The following DAB1 variants were observed in gnomAD, a reference collection of about 807,000 sequenced individuals.
The protein encoded by DAB1 is disabled homolog 1.
DAB1 carries 15 observed loss-of-function variants against 64.6 expected under a neutral mutation model. The observed-to-expected ratio is 0.23, with a 90% CI of 0.16 to 0.36. DAB1 has a LOEUF of 0.36. DAB1 is among the 10% of genes least tolerant of loss of function. The probability of loss-of-function intolerance (pLI) is 1.00; values close to 1 mark genes in which losing one functional copy is unlikely to be tolerated. For synonymous variants in DAB1, 235 were observed against 251.9 expected (o/e 0.93, Z 0.64); for missense variants, 596 against 706.7 (o/e 0.84, Z 1.78).
chr1:57,509,591 A>G (rs1469323942), intron 7 of DAB1, among the ~76,000 whole-genome samples: 1 of 152,008 alleles, frequency 6.6e-6, no homozygotes, highest in Non-Finnish European at 1.5e-5. Flanking sequence ...CTCACACTCA[A>G]TGGAAAATAG....
At chr1:57,789,813 A>G (rs1222130394) in intron 6 of DAB1, among the ~76,000 whole-genome samples, 3 of 152,230 alleles carry the variant, frequency 2.0e-5, no homozygotes, top group Non-Finnish European at 4.4e-5. Flanking sequence ...CAGAAGTCAC[A>G]GAAGTCAGGT....
intron 3 of DAB1, among the ~76,000 whole-genome samples, chr1:58,382,377 CCA>C (rs1001584108): frequency 5.3e-5 from 8 of 152,190 alleles, no homozygotes; most frequent in Admixed American, 1.3e-4. Flanking sequence ...GTTCCAAACT[CCA>C]CCTGACTGTC....
At chr1:57,687,595 G>GAAAAAAAA (rs1646713667) in intron 6 of DAB1, among the ~76,000 whole-genome samples, 1 of 16,416 alleles carries the variant, frequency 6.1e-5, no homozygotes, top group African/African-American at 3.7e-4. Context: ...GTAATCTTAA[G>GAAAAAAAA]AAACAAAAAA....
chr1:58,049,734 T>A (rs1215436768), intron 5 of DAB1, among the ~76,000 whole-genome samples: 1 of 152,154 alleles, frequency 6.6e-6, no homozygotes, highest in African/African-American at 2.4e-5. Flanking sequence ...ATACCTCACA[T>A]TGCAGGATAG....
rs947665482 is a variant in DAB1, at chr1:58,158,209, A to C, written n.310-7621T>G. 3.9e-5 allele frequency among the ~76,000 whole-genome samples: 6 copies of C among 152,276 alleles called. No homozygotes were observed. In the East Asian group the frequency reaches 1.2e-3, roughly 29 times the overall value. On this transcript the variant is annotated intron_variant and non_coding_transcript_variant, in intron 4 of 20. Transcript: ENST00000485760. ...TGAGCCACAGACCCAAACAGAGCTCAGATTATCTATTTAATTCTCCAGCCT... is the reference window on the plus strand; with the variant it reads ...TGAGCCACAGACCCAAACAGAGCTCCGATTATCTATTTAATTCTCCAGCCT...
At chr1:57,719,307 A>C (rs1647123102) in intron 6 of DAB1, among the ~76,000 whole-genome samples, 1 of 152,186 alleles carries the variant, frequency 6.6e-6, no homozygotes, top group Admixed American at 6.5e-5. Context: ...ACGGCTGCTA[A>C]TTTTCTGGTT....
intron 5 of DAB1, among the ~76,000 whole-genome samples, chr1:57,960,445 T>A (rs1645490605): frequency 6.6e-6 from 1 of 150,432 alleles, no homozygotes; most frequent in Admixed American, 6.6e-5. Flanking sequence ...ATTTCCTTTA[T>A]CTCTTTTTAA....
chr1:57,288,345 T>C (rs1672498839), intron 2 of DAB1, among the ~76,000 whole-genome samples: 1 of 152,052 alleles, frequency 6.6e-6, no homozygotes, highest in Admixed American at 6.6e-5. Context: ...GAAGGAGATG[T>C]GGTGTGTTAT....
At chr1:57,754,937 T>C (rs1440308402) in intron 6 of DAB1, among the ~76,000 whole-genome samples, 1 of 152,094 alleles carries the variant, frequency 6.6e-6, no homozygotes, top group Non-Finnish European at 1.5e-5. Context: ...AATCCCTTAG[T>C]ACAGAGTGAC....
At chr1:57,366,446 T>C (rs1680002384) in intron 1 of DAB1, among the ~76,000 whole-genome samples, 1 of 152,212 alleles carries the variant, frequency 6.6e-6, no homozygotes, top group Non-Finnish European at 1.5e-5. Flanking sequence ...GAGCAAACCA[T>C]GCAGTGCTTC....
intron 4 of DAB1, among the ~76,000 whole-genome samples, chr1:58,208,763 G>A (rs879646452): frequency 7.9e-5 from 12 of 152,188 alleles, no homozygotes; most frequent in East Asian, 1.9e-4. Flanking sequence ...ATGTGCAGGC[G>A]TCTTTCTCAT....
At chr1:57,566,813 C>T (rs1358168820) in intron 7 of DAB1, among the ~76,000 whole-genome samples, 1 of 152,166 alleles carries the variant, frequency 6.6e-6, no homozygotes, top group Non-Finnish European at 1.5e-5. Context: ...AAGTCCAGGA[C>T]CAGACGAATT....
rs562951182 is a variant in DAB1 at position 57,987,716 on chromosome 1, T to C, written n.388-103554A>G. Among the ~76,000 whole-genome samples the C allele has an allele frequency of 2.6e-5, 4 of 152,316 alleles. No individual in the cohort carries two copies. In the South Asian group the frequency reaches 6.2e-4, roughly 24 times the overall value. ...GTGAGGCTGCACTAATTACCATTTA[T>C]ATAAGATGCCTGCCTGCCTCTGCTG... On this transcript the variant is annotated intron_variant and non_coding_transcript_variant, in intron 5 of 20. Transcript: ENST00000485760.
At chr1:58,357,305 TG>T (rs1291800101) in intron 3 of DAB1, among the ~76,000 whole-genome samples, 1 of 152,098 alleles carries the variant, frequency 6.6e-6, no homozygotes, top group East Asian at 1.9e-4. Flanking sequence ...CCAAACTGGC[TG>T]ATAAATTGAG....
At chr1:57,767,642 G>A (rs956802051) in intron 6 of DAB1, among the ~76,000 whole-genome samples, 2 of 151,998 alleles carry the variant, frequency 1.3e-5, no homozygotes, top group African/African-American at 2.4e-5. Flanking sequence ...AATGGTATCT[G>A]GCATTATAGT....
At chr1:57,225,297 T>G (rs532959373) in intron 2 of DAB1, among the ~76,000 whole-genome samples, 1 of 152,276 alleles carries the variant, frequency 6.6e-6, no homozygotes, top group Non-Finnish European at 1.5e-5. Context: ...GTGGGGACAG[T>G]CTTGTAGAAC....
intron 1 of DAB1, among the ~76,000 whole-genome samples, chr1:57,851,191 C>T (rs1653508472): frequency 6.6e-6 from 1 of 152,180 alleles, no homozygotes; most frequent in African/African-American, 2.4e-5. Context: ...GTTACAAAGA[C>T]CACATGTGTA....
intron 6 of DAB1, among the ~76,000 whole-genome samples, chr1:57,726,184 G>A (rs144793611): frequency 1.2e-3 from 181 of 152,326 alleles, no homozygotes; most frequent in African/African-American, 4.1e-3. Flanking sequence ...GAAGAGTAAA[G>A]TAAAAGTTGT....
intron 2 of DAB1, among the ~76,000 whole-genome samples, chr1:57,195,585 T>C (rs2100235360): frequency 6.6e-6 from 1 of 152,336 alleles, no homozygotes; most frequent in Admixed American, 6.5e-5. Context: ...TGAACCCAGT[T>C]CTCTCTAAAA....
Sources: gnomAD v4.1 joint callset for allele counts (sites outside exome capture counted in the v4.1 genomes callset) on GRCh38, gnomAD v4.1.1 for gene constraint, MANE v1.5 for transcripts, NCBI Gene and HGNC (gene_info 2026-07-23, HGNC 2026-07-21) for gene names.